RGSL1: variants seen among roughly 807,000 people sequenced by gnomAD.
RGSL1 encodes the protein regulator of G protein signaling like 1.
In RGSL1, 97 loss-of-function variants were observed where a neutral mutation model predicts 124.7. The ratio of observed to expected loss-of-function variants is 0.78; its 90% CI spans 0.66 to 0.92. The LOEUF is 0.92. Ranked by LOEUF, RGSL1 falls within the 40% of genes least tolerant of loss-of-function variation. The pLI, the probability that RGSL1 is intolerant of heterozygous loss-of-function variation, is 0.00. For missense variants in RGSL1, 1,233 were observed against 1,288.4 expected, an observed-to-expected ratio of 0.96 and a Z score of 0.66; for synonymous variants, 424 against 438.1, an observed-to-expected ratio of 0.97 and a Z score of 0.40.
At chr1:182,450,096 G>T (rs894184009), upstream of RGSL1, 1 of 1,534,762 alleles carries the variant, frequency 6.5e-7, no homozygotes. Context: ...GTTCACAATG[G>T]ATATAGTTCT....
chr1:182,515,574 C>A (rs866994722), intron 9 of RGSL1, among the ~76,000 whole-genome samples: 4 of 126,120 alleles, frequency 3.2e-5, no homozygotes, highest in Admixed American at 7.9e-5. Context: ...GGGTGGAGGG[C>A]GTGGGGGAAG....
In RGSL1 at chr1:182,527,724, C is replaced by T; in HGVS notation, c.2077C>T (p.Leu693Phe). The change falls in exon 11 of 22, where the codon CTC becomes TTC. Residue 693 changes from leucine (L) to phenylalanine (F), a missense_variant. Leu to Phe is a conservative substitution (Grantham distance 22). Transcript: ENST00000294854. ...IETNEKICKS[L>F]IENVIKTFFQ... ...GACCAATGAAAAGATTTGCAAGTCT[C>T]TCATAGAAAATGTAATCAAGACTTT... 2 of 1,551,086 alleles carry T rather than the reference C, an allele frequency of 1.3e-6. No homozygotes were observed. The highest frequency in any genetic ancestry group is 1.7e-6 in the Non-Finnish European group (2 of 1,146,676).
chr1:182,509,770 AC>A (rs1192196019), intron 9 of RGSL1, among the ~76,000 whole-genome samples: 2 of 101,332 alleles, frequency 2.0e-5, no homozygotes, highest in African/African-American at 3.9e-5. Flanking sequence ...GGGGGGGCTG[AC>A]CCCCCACCTC....
intron 2 of RGSL1, among the ~76,000 whole-genome samples, chr1:182,457,629 A>G (rs1369650041): frequency 1.3e-5 from 2 of 152,208 alleles, no homozygotes; most frequent in African/African-American, 2.4e-5. Context: ...TCAGCCAGTA[A>G]TTGGAGCTTC....
chr1:182,499,410 C>A (rs920712352), intron 9 of RGSL1, among the ~76,000 whole-genome samples: 1 of 152,156 alleles, frequency 6.6e-6, no homozygotes, highest in Non-Finnish European at 1.5e-5. Flanking sequence ...TTAATTGAAC[C>A]TTTACCATTA....
intron 9 of RGSL1, among the ~76,000 whole-genome samples, chr1:182,520,342 C>G (rs1658241583): frequency 6.6e-6 from 1 of 152,116 alleles, no homozygotes; most frequent in Non-Finnish European, 1.5e-5. Context: ...TCCTTTTGCC[C>G]CCTTCTGTCC....
chr1:182,514,776 A>T (rs907197188), intron 9 of RGSL1, among the ~76,000 whole-genome samples: 1 of 152,176 alleles, frequency 6.6e-6, no homozygotes, highest in African/African-American at 2.4e-5. Flanking sequence ...CAACTGCCAG[A>T]TGGTATCGAA....
At chr1:182,506,283 T>G (rs952117792) in intron 9 of RGSL1, among the ~76,000 whole-genome samples, 1 of 152,190 alleles carries the variant, frequency 6.6e-6, no homozygotes, top group Admixed American at 6.5e-5. Flanking sequence ...ATATGTTAGT[T>G]AGGTGTATTT....
At chr1:182,539,029 T>G (rs1031113381) in intron 14 of RGSL1, among the ~76,000 whole-genome samples, 2 of 152,190 alleles carry the variant, frequency 1.3e-5, no homozygotes, top group African/African-American at 2.4e-5. Context: ...TCATACTGAT[T>G]GGTAAGAGCC....
intron 20 of RGSL1, chr1:182,555,659 C>A: frequency 4.1e-6 from 1 of 246,262 alleles, no homozygotes; most frequent in Non-Finnish European, 7.9e-6. Flanking sequence ...TGGTAGACAG[C>A]AGCCTCTGAA....
At chr1:182,468,318 G>A (rs1044989282) in intron 4 of RGSL1, among the ~76,000 whole-genome samples, 6 of 152,096 alleles carry the variant, frequency 3.9e-5, no homozygotes, top group East Asian at 1.9e-4. Context: ...GCATGCACAC[G>A]TATGTTTATT....
chr1:182,553,350 G>A, intron 18 of RGSL1, 105 bp from the exon 19 acceptor site: 2 of 764,142 alleles, frequency 2.6e-6, no homozygotes, highest in South Asian at 1.8e-5. Context: ...TTAACATTTT[G>A]TAATCTAAGT....
chr1:182,485,402 A>G (rs550198683), intron 6 of RGSL1, among the ~76,000 whole-genome samples: 2 of 152,274 alleles, frequency 1.3e-5, no homozygotes, highest in South Asian at 4.1e-4. Context: ...TTATGGAGGC[A>G]GGGGCAAGTG....
At chr1:182,494,472 A>G (rs997139454) in intron 9 of RGSL1, among the ~76,000 whole-genome samples, 3 of 152,174 alleles carry the variant, frequency 2.0e-5, no homozygotes, top group Non-Finnish European at 4.4e-5. Flanking sequence ...TGTTAAAATT[A>G]ATTTCACCCT....
chr1:182,451,076 G>T (rs1651774897), intron 1 of RGSL1, among the ~76,000 whole-genome samples: 1 of 150,092 alleles, frequency 6.7e-6, no homozygotes, highest in Non-Finnish European at 1.5e-5. Flanking sequence ...AATCTGGGAG[G>T]CAGAGTCTGC....
intron 4 of RGSL1, chr1:182,460,894 T>G: frequency 5.4e-6 from 2 of 368,190 alleles, no homozygotes; most frequent in South Asian, 4.1e-5. Flanking sequence ...CCCAGCCCCA[T>G]GGCACACAGT....
intron 2 of RGSL1, among the ~76,000 whole-genome samples, chr1:182,454,425 C>T (rs1265147512): frequency 6.6e-6 from 1 of 152,178 alleles, no homozygotes; most frequent in Non-Finnish European, 1.5e-5. Context: ...GCCAGGAATA[C>T]CTTTCCCATA....
In RGSL1 at chr1:182,458,468, T is replaced by A. The variant is rs933647763; in HGVS notation, c.171+75T>A. 8.1e-6 allele frequency: 10 copies of A among 1,232,582 alleles called. No homozygotes were observed. The African/African-American group carries it at 1.2e-4, about 15-fold the overall frequency. The allele number at this position is 1,232,582 out of a possible 1,614,324, so 76.4% of individuals were successfully genotyped here. ...ACTATAATTGTTTTTTGTTGTTAATTTGTTTTTGTTTTTGTTTTGGAGATG... is the reference window on the plus strand; with the variant it reads ...ACTATAATTGTTTTTTGTTGTTAATATGTTTTTGTTTTTGTTTTGGAGATG... On this transcript the variant is annotated intron_variant, in intron 3 of 21. Coordinates refer to ENST00000294854, the MANE Select transcript of RGSL1 (RefSeq NM_001137669.2).
Position 182,549,045 on chromosome 1 carries a change from G to A in RGSL1, c.2933+221G>A, listed in dbSNP as rs1428064224. On this transcript the variant is annotated intron_variant, in intron 17 of 21. Coordinates refer to ENST00000294854, the MANE Select transcript of RGSL1 (RefSeq NM_001137669.2). ...GGCAGAGTAAGACTGAGAGCCAAAC[G>A]CCTGGTTTCCCACCCCTCCTCTTTC... is the stretch of plus-strand genomic sequence containing the variant. 5 of 472,598 alleles carry A rather than the reference G, an allele frequency of 1.1e-5. No homozygotes were observed. In the Admixed American group the frequency reaches 1.2e-4, roughly 11 times the overall value. 29.3% of individuals were successfully genotyped at this position (472,598 alleles called of 1,614,324 possible).
Sources: gnomAD v4.1 joint callset for allele counts (sites outside exome capture counted in the v4.1 genomes callset) on GRCh38, gnomAD v4.1.1 for gene constraint, MANE v1.5 for transcripts, NCBI Gene and HGNC (gene_info 2026-07-23, HGNC 2026-07-21) for gene names.